Variants in GUCY1A2 observed in about 807,000 individuals in gnomAD.
GUCY1A2 encodes guanylate cyclase soluble subunit alpha-2.
A neutral mutation model predicts 63.5 loss-of-function variants in GUCY1A2; 27 were observed. The ratio of observed to expected loss-of-function variants is 0.43; its 90% CI spans 0.31 to 0.59. GUCY1A2 has a LOEUF of 0.59. Among genes scored for constraint, GUCY1A2 ranks in the 20% least tolerant of loss-of-function variants. The probability of loss-of-function intolerance (pLI) is 0.11; values close to 1 mark genes in which losing one functional copy is unlikely to be tolerated. For synonymous variants in GUCY1A2, 364 were observed against 343.5 expected (o/e 1.06, Z -0.66); for missense variants, 768 against 913.3 (o/e 0.84, Z 2.05).
At chr11:106,708,340 G>C (rs1565264015) in intron 7 of GUCY1A2, among the ~76,000 whole-genome samples, 172 bp downstream of exon 7, 1 of 152,054 alleles carries the variant, frequency 6.6e-6, no homozygotes, top group African/African-American at 2.4e-5. Flanking sequence ...CTCACAGAGT[G>C]CAAATAAAAG....
intron 4 of GUCY1A2, among the ~76,000 whole-genome samples, chr11:106,874,044 G>GA (rs1195459924): frequency 6.6e-6 from 1 of 152,068 alleles, no homozygotes; most frequent in Non-Finnish European, 1.5e-5. Context: ...CTTTATTATA[G>GA]AATATTTTAG....
intron 4 of GUCY1A2, among the ~76,000 whole-genome samples, chr11:106,831,156 A>T (rs2135437004): frequency 6.6e-6 from 1 of 152,352 alleles, no homozygotes; most frequent in South Asian, 2.1e-4. Flanking sequence ...ATTTCTGCTT[A>T]GTTTTATCAA....
chr11:106,827,817 C>G, intron 4 of GUCY1A2: 1 of 1,598,080 alleles, frequency 6.3e-7, no homozygotes, highest in Non-Finnish European at 8.6e-7. Flanking sequence ...CTGCTCCGCA[C>G]AAGTGACGCC....
At chr11:106,868,280 A>G in intron 4 of GUCY1A2, among the ~76,000 whole-genome samples, 1 of 152,082 alleles carries the variant, frequency 6.6e-6, no homozygotes, top group East Asian at 1.9e-4. Flanking sequence ...ATTCAACCTA[A>G]TAAGCAATGC....
chr11:106,712,772 T>C (rs1167993154), intron 6 of GUCY1A2, among the ~76,000 whole-genome samples: 1 of 152,176 alleles, frequency 6.6e-6, no homozygotes, highest in Non-Finnish European at 1.5e-5. Context: ...CTCTGCAGTG[T>C]CCTTGATTTA....
chr11:106,711,448 CT>C (rs2135354129), intron 6 of GUCY1A2, among the ~76,000 whole-genome samples: 1 of 152,192 alleles, frequency 6.6e-6, no homozygotes, highest in African/African-American at 2.4e-5. Context: ...AAAACATAGA[CT>C]TTTATTTGTC....
intron 3 of GUCY1A2, among the ~76,000 whole-genome samples, chr11:106,967,284 T>C (rs967275452): frequency 3.3e-5 from 5 of 152,160 alleles, no homozygotes; most frequent in Admixed American, 2.6e-4. Context: ...CAACAAATTC[T>C]ATTGCCCACT....
At chr11:107,005,807 C>A (rs1010818814) in intron 1 of GUCY1A2, among the ~76,000 whole-genome samples, 14 of 152,150 alleles carry the variant, frequency 9.2e-5, no homozygotes, top group Admixed American at 9.2e-4. Flanking sequence ...GTATATTACC[C>A]CTACAGTATA....
rs529982074 is a variant in GUCY1A2 at position 106,804,099 on chromosome 11, T to G, written c.1692+5894A>C. ...ATACATGCTAATTTCCATAACATTT[T>G]AAAGGTTCTATGGAAGTCATGGCTC... On this transcript the variant is annotated intron_variant, in intron 5 of 7. Transcript: ENST00000526355. Among the ~76,000 whole-genome samples the G allele has an allele frequency of 2.6e-5, 4 of 152,344 alleles. No individual in the cohort carries two copies. The East Asian group carries it at 7.7e-4, about 29-fold the overall frequency.
intron 1 of GUCY1A2, among the ~76,000 whole-genome samples, chr11:106,993,688 T>C (rs1484384989): frequency 6.6e-6 from 1 of 152,148 alleles, no homozygotes; most frequent in East Asian, 1.9e-4. Flanking sequence ...AGCCTCAATT[T>C]TCCCATCCGA....
intron 7 of GUCY1A2, among the ~76,000 whole-genome samples, chr11:106,699,270 G>T (rs1252547814): frequency 6.6e-6 from 1 of 152,114 alleles, no homozygotes; most frequent in South Asian, 2.1e-4. Context: ...CATTTTTAAT[G>T]GAGAAAGGGA....
intron 7 of GUCY1A2, among the ~76,000 whole-genome samples, chr11:106,697,918 A>G (rs934586399): frequency 1.4e-4 from 22 of 151,970 alleles, no homozygotes; most frequent in Non-Finnish European, 2.9e-4. Context: ...TAGGCTTGGA[A>G]CAACAATGAC....
chr11:106,870,696 C>G (rs1859665018), intron 4 of GUCY1A2, among the ~76,000 whole-genome samples: 1 of 152,124 alleles, frequency 6.6e-6, no homozygotes, highest in South Asian at 2.1e-4. Flanking sequence ...CCAGCCTTCT[C>G]TCTTCCCTGC....
chr11:106,986,307 G>T (rs1321077452), intron 1 of GUCY1A2, among the ~76,000 whole-genome samples, 176 bp from the exon 2 acceptor site: 1 of 152,062 alleles, frequency 6.6e-6, no homozygotes, highest in Non-Finnish European at 1.5e-5. Flanking sequence ...CTAATATGAG[G>T]CACTCGGCAA....
At chr11:106,747,223 C>T (rs1317309368) in intron 6 of GUCY1A2, among the ~76,000 whole-genome samples, 1 of 152,132 alleles carries the variant, frequency 6.6e-6, no homozygotes, top group African/African-American at 2.4e-5. Flanking sequence ...CTCCTGACCT[C>T]GTGATCTGCC....
intron 6 of GUCY1A2, chr11:106,746,468 A>ATT (rs1222995365): frequency 2.9e-6 from 2 of 696,786 alleles, no homozygotes; most frequent in African/African-American, 3.6e-5. Context: ...ATGAATAAGG[A>ATT]TTATACTCAA....
chr11:106,818,170 T>C (rs567444543), intron 4 of GUCY1A2, among the ~76,000 whole-genome samples: 9 of 152,336 alleles, frequency 5.9e-5, no homozygotes, highest in Admixed American at 1.3e-4. Context: ...CTTCACTTTA[T>C]TGCCCTTTGC....
rs571771804 is a variant in GUCY1A2 at position 106,716,098 on chromosome 11, T to C, written c.1837-7432A>G. ...GAACATCCAGGTAAAGTGAAAATAA[T>C]GTTCAAAGATCCTAAAGCCTGAAGA... On this transcript the variant is annotated intron_variant, in intron 6 of 7. Coordinates refer to ENST00000526355, the MANE Select transcript of GUCY1A2 (RefSeq NM_000855.3). 2.6e-5 allele frequency among the ~76,000 whole-genome samples: 4 copies of C among 152,260 alleles called. No individual in the cohort carries two copies. In the South Asian group the frequency reaches 6.2e-4, roughly 24 times the overall value.
chr11:106,705,153 C>G (rs1334830857), intron 7 of GUCY1A2, among the ~76,000 whole-genome samples: 1 of 151,662 alleles, frequency 6.6e-6, no homozygotes, highest in East Asian at 1.9e-4. Flanking sequence ...GAAAATATAC[C>G]GAAGTGTTGA....
Sources: allele counts gnomAD v4.1 joint callset (sites outside exome capture counted in the v4.1 genomes callset), GRCh38; gene constraint gnomAD v4.1.1; transcripts MANE v1.5; gene names NCBI Gene and HGNC (gene_info 2026-07-23, HGNC 2026-07-21).